ZNF618: variants seen among roughly 807,000 people sequenced by gnomAD.
The protein encoded by ZNF618 is neural precursor cell expressed, developmentally down-regulated 10.
In ZNF618, 34 loss-of-function variants were observed where a neutral mutation model predicts 103.0. The observed-to-expected ratio is 0.33, with a 90% CI of 0.25 to 0.44. The LOEUF is 0.44. ZNF618 is among the 20% of genes least tolerant of loss of function. ZNF618 has a pLI of 1.00. For synonymous variants in ZNF618, 551 were observed against 542.2 expected (o/e 1.02, Z -0.23); for missense variants, 1,059 against 1,295.4 (o/e 0.82, Z 2.80).
At chr9:113,998,627 G>A (rs1184481869) in intron 4 of ZNF618, among the ~76,000 whole-genome samples, 4 of 152,196 alleles carry the variant, frequency 2.6e-5, no homozygotes, top group African/African-American at 9.7e-5. Flanking sequence ...CCTATGGGCC[G>A]CAACTCTGAA....
chr9:113,923,502 T>A (rs1346182570), intron 1 of ZNF618, among the ~76,000 whole-genome samples: 1 of 152,150 alleles, frequency 6.6e-6, no homozygotes, highest in Non-Finnish European at 1.5e-5. Context: ...TTATTATGAA[T>A]GAGTGTCAAA....
intron 1 of ZNF618, among the ~76,000 whole-genome samples, chr9:113,933,526 G>A (rs1392455901): frequency 6.6e-6 from 1 of 152,200 alleles, no homozygotes; most frequent in Non-Finnish European, 1.5e-5. Flanking sequence ...TTTTCTCAGG[G>A]AAAGTAGCTG....
At position 114,051,550 on chromosome 9, in the gene ZNF618, G is replaced by A. The variant is rs1846134033; in HGVS notation, c.*1383G>A. On this transcript the variant is annotated 3_prime_UTR_variant, in exon 15 of 15. Transcript: ENST00000374126. ...CCATAGTCACATCCACCACACCTCA[G>A]ACCTGCCACAGCCTCTCCTCACTTC... 1 of 153,044 alleles carries A rather than the reference G, an allele frequency of 6.5e-6. No homozygotes were observed. Among genetic ancestry groups the A allele is most frequent in the Admixed American group, 6.5e-5 (1 of 15,270 alleles). The allele number at this position is 153,044 out of a possible 1,614,324, so 9.5% of individuals were successfully genotyped here. A position where few individuals can be genotyped will look rare whatever the true frequency, so the allele number is the denominator to read the frequency against.
At chr9:113,884,614 T>C (rs1828873363) in intron 1 of ZNF618, among the ~76,000 whole-genome samples, 1 of 152,192 alleles carries the variant, frequency 6.6e-6, no homozygotes, top group African/African-American at 2.4e-5. Flanking sequence ...CCATTGAGTA[T>C]GGCCAGCGGC....
At chr9:113,885,835 A>AT (rs938334350) in intron 1 of ZNF618, among the ~76,000 whole-genome samples, 4 of 152,214 alleles carry the variant, frequency 2.6e-5, no homozygotes, top group Admixed American at 6.5e-5. Flanking sequence ...AGGAAGGCTG[A>AT]GGTGAGGATG....
chr9:113,968,396 G>A (rs982069712), intron 1 of ZNF618, among the ~76,000 whole-genome samples: 7 of 152,142 alleles, frequency 4.6e-5, no homozygotes, highest in Non-Finnish European at 5.9e-5. Flanking sequence ...GACAAAGCTC[G>A]GGAATGTATC....
chr9:113,960,843 C>T (rs996329228), intron 1 of ZNF618, among the ~76,000 whole-genome samples: 1 of 152,220 alleles, frequency 6.6e-6, no homozygotes, highest in Non-Finnish European at 1.5e-5. Flanking sequence ...GAGCTGGAAG[C>T]TACCAAGTCC....
chr9:114,018,386 C>A (rs1463704716), intron 10 of ZNF618, among the ~76,000 whole-genome samples: 1 of 152,254 alleles, frequency 6.6e-6, no homozygotes, highest in Admixed American at 6.5e-5. Flanking sequence ...TCCAGTGAAG[C>A]AGCAACTGCC....
intron 1 of ZNF618, among the ~76,000 whole-genome samples, chr9:113,884,637 A>G (rs1436173964): frequency 1.3e-5 from 2 of 152,174 alleles, no homozygotes; most frequent in African/African-American, 2.4e-5. Context: ...CAGAGTCCTT[A>G]GTATTATATA....
rs1369708627 is a variant in ZNF618 at position 113,998,292 on chromosome 9, G to C, written c.371G>C (p.Gly124Ala). 4 of 1,550,524 alleles carry C rather than the reference G, an allele frequency of 2.6e-6. No homozygotes were observed. The African/African-American group carries it at 5.5e-5, about 21-fold the overall frequency. ...GCGCCCGAAGGCAGCCCCCACGGTGGATCTGTGCGAAGCCGGTATTCAGGG... is the reference window on the plus strand; with the variant it reads ...GCGCCCGAAGGCAGCCCCCACGGTGCATCTGTGCGAAGCCGGTATTCAGGG... ...GKAPEGSPHG[G>A]SVRSRYSGTW... is the part of the protein sequence containing the mutation. The change falls in exon 4 of 15, where the codon GGA becomes GCA. Residue 124 changes from glycine (G) to alanine (A), a missense_variant. By Grantham distance (60) the Gly-to-Ala change is moderately conservative (BLOSUM62 0). Coordinates refer to ENST00000374126, the MANE Select transcript of ZNF618 (RefSeq NM_001318042.2).
chr9:113,935,512 C>T (rs1254167765), intron 1 of ZNF618, among the ~76,000 whole-genome samples: 3 of 152,132 alleles, frequency 2.0e-5, no homozygotes, highest in Non-Finnish European at 2.9e-5. Flanking sequence ...GTGCTCAGAG[C>T]GTGTCCTTGT....
intron 10 of ZNF618, among the ~76,000 whole-genome samples, chr9:114,021,603 G>A (rs995478775): frequency 3.3e-5 from 5 of 152,134 alleles, no homozygotes; most frequent in Admixed American, 3.3e-4. Flanking sequence ...ATAATAAAGT[G>A]CCTGTTATTT....
At chr9:113,949,002 G>A (rs768774562) in intron 1 of ZNF618, among the ~76,000 whole-genome samples, 1 of 152,230 alleles carries the variant, frequency 6.6e-6, no homozygotes, top group Non-Finnish European at 1.5e-5. Flanking sequence ...GTGGGCAGTT[G>A]ATCTCTGCCT....
intron 1 of ZNF618, among the ~76,000 whole-genome samples, chr9:113,945,829 T>C (rs901937843): frequency 3.3e-5 from 5 of 152,212 alleles, no homozygotes; most frequent in Non-Finnish European, 7.3e-5. Context: ...ATGGCACTAG[T>C]TTAAAAATGT....
intron 1 of ZNF618, among the ~76,000 whole-genome samples, chr9:113,952,294 C>T (rs1835850528): frequency 1.3e-5 from 2 of 152,266 alleles, no homozygotes; most frequent in South Asian, 4.2e-4. Flanking sequence ...CAGAAGGATC[C>T]AGAATTGGAA....
Position 113,982,417 on chromosome 9 carries a change from C to T in ZNF618, c.78-5904C>T, listed in dbSNP as rs570137195. Reference sequence around the variant, plus strand: ...AGCTCTACCTCTCGGGGCGCATTGCCTTCTCTCCTCTGTAACTTCTCTTCT... The same window carrying T: ...AGCTCTACCTCTCGGGGCGCATTGCTTTCTCTCCTCTGTAACTTCTCTTCT... On this transcript the variant is annotated intron_variant, in intron 2 of 14. Coordinates refer to ENST00000374126, the MANE Select transcript of ZNF618 (RefSeq NM_001318042.2). Among the ~76,000 whole-genome samples, 22 of 152,180 alleles carry T rather than the reference C, an allele frequency of 1.4e-4. 1 individual carries two copies. The highest frequency in any genetic ancestry group is 1.0e-3 in the Admixed American group (16 of 15,290).
At chr9:114,020,862 T>G (rs1033265045) in intron 10 of ZNF618, among the ~76,000 whole-genome samples, 1 of 152,122 alleles carries the variant, frequency 6.6e-6, no homozygotes, top group Non-Finnish European at 1.5e-5. Context: ...GAATATTTTT[T>G]GCCATGTTCC....
At chr9:113,977,801 C>A (rs991569179) in intron 2 of ZNF618, among the ~76,000 whole-genome samples, 1 of 152,196 alleles carries the variant, frequency 6.6e-6, no homozygotes, top group Non-Finnish European at 1.5e-5. Context: ...TTGAACCCCA[C>A]CCTGCTAAAT....
At chr9:113,916,088 G>C (rs896767195) in intron 1 of ZNF618, among the ~76,000 whole-genome samples, 2 of 151,924 alleles carry the variant, frequency 1.3e-5, no homozygotes, top group African/African-American at 2.4e-5. Context: ...GTGTGTGTGT[G>C]TGTGTGTCTG....
Sources: allele counts gnomAD v4.1 joint callset (sites outside exome capture counted in the v4.1 genomes callset), GRCh38; gene constraint gnomAD v4.1.1; transcripts MANE v1.5; gene names NCBI Gene and HGNC (gene_info 2026-07-23, HGNC 2026-07-21).